Variants in SEMA3E observed in about 807,000 individuals in gnomAD.
SEMA3E encodes semaphorin 3E, also known as semaphorin-3E.
A neutral mutation model predicts 93.6 loss-of-function variants in SEMA3E; 49 were observed. The ratio of observed to expected loss-of-function variants is 0.52; its 90% CI spans 0.42 to 0.66. The LOEUF (loss-of-function observed/expected upper bound fraction) is 0.66, where lower values mean the gene tolerates loss of function less well. Among genes scored for constraint, SEMA3E ranks in the 30% least tolerant of loss-of-function variants. The pLI, the probability that SEMA3E is intolerant of heterozygous loss-of-function variation, is 0.00. For synonymous variants in SEMA3E, 363 were observed against 330.7 expected, an observed-to-expected ratio of 1.10 and a Z score of -1.06; for missense variants, 906 against 964.8, an observed-to-expected ratio of 0.94 and a Z score of 0.81.
rs1584195067 is a variant in SEMA3E at position 83,367,817 on chromosome 7, C to T, written c.2097G>A (p.Gln699=). Residue 699 remains glutamine, a synonymous_variant, in exon 17 of 17, where the codon CAG becomes CAA. Coordinates refer to ENST00000643230, the MANE Select transcript of SEMA3E (RefSeq NM_012431.3). Reference sequence around the variant, plus strand: ...GTTTTGCTCCCTGCGAGATGCTACTCTGAGCAGGACAAGGCATCCTGTGAT... The same window carrying T: ...GTTTTGCTCCCTGCGAGATGCTACTTTGAGCAGGACAAGGCATCCTGTGAT... The part of the protein sequence containing the change: ...DRHHRMPCPA[Q]SSISQGAKPW... 7 of 1,614,000 alleles carry T rather than the reference C, an allele frequency of 4.3e-6. No individual in the cohort carries two copies. In the South Asian group the frequency reaches 5.5e-5, roughly 13 times the overall value.
intron 1 of SEMA3E, among the ~76,000 whole-genome samples, chr7:83,504,721 T>C (rs1294226227): frequency 1.3e-5 from 2 of 152,174 alleles, no homozygotes; most frequent in African/African-American, 4.8e-5. Flanking sequence ...CCCTGTTGTT[T>C]ATAACCTGTC....
intron 1 of SEMA3E, among the ~76,000 whole-genome samples, chr7:83,618,988 C>T (rs1009796812): frequency 6.6e-6 from 1 of 151,840 alleles, no homozygotes; most frequent in Admixed American, 6.6e-5. Flanking sequence ...TATATAGTGG[C>T]TCAAAAATGG....
At chr7:83,473,342 G>A (rs1249195921) in intron 2 of SEMA3E, among the ~76,000 whole-genome samples, 1 of 152,120 alleles carries the variant, frequency 6.6e-6, no homozygotes, top group Non-Finnish European at 1.5e-5. Flanking sequence ...AGACTGTATT[G>A]CTAGGCCTGT....
intron 2 of SEMA3E, among the ~76,000 whole-genome samples, chr7:83,474,249 G>A (rs1486944988): frequency 6.6e-6 from 1 of 151,944 alleles, no homozygotes; most frequent in African/African-American, 2.4e-5. Context: ...TCCATTTCCT[G>A]ATACATGAGT....
intron 1 of SEMA3E, among the ~76,000 whole-genome samples, chr7:83,640,893 A>C (rs765955647): frequency 6.6e-6 from 1 of 152,066 alleles, no homozygotes; most frequent in Non-Finnish European, 1.5e-5. Context: ...GATAACCCAG[A>C]AATGACAAGG....
intron 16 of SEMA3E, among the ~76,000 whole-genome samples, chr7:83,384,252 G>A (rs531600108): frequency 1.1e-4 from 17 of 152,120 alleles, no homozygotes; most frequent in Middle Eastern, 6.8e-3. Context: ...AAAGTGTTCC[G>A]CATTTGGAAT....
intron 1 of SEMA3E, among the ~76,000 whole-genome samples, chr7:83,605,162 G>T (rs984312842): frequency 6.6e-6 from 1 of 152,140 alleles, no homozygotes; most frequent in Non-Finnish European, 1.5e-5. Flanking sequence ...TGGGATTGAT[G>T]GGTCAAATGG....
intron 1 of SEMA3E, among the ~76,000 whole-genome samples, chr7:83,504,525 G>A (rs28540131): frequency 0.041 from 6,292 of 152,228 alleles, 453 homozygotes; most frequent in African/African-American, 0.14. Flanking sequence ...CCCTGGGTAC[G>A]TGGGTTCTCT....
chr7:83,495,082 A>G (rs1291242176), intron 1 of SEMA3E, among the ~76,000 whole-genome samples: 1 of 151,918 alleles, frequency 6.6e-6, no homozygotes, highest in African/African-American at 2.4e-5. Context: ...AATACCATAA[A>G]TTTGTTACAA....
At chr7:83,484,227 T>C (rs1790206816) in intron 2 of SEMA3E, among the ~76,000 whole-genome samples, 1 of 152,164 alleles carries the variant, frequency 6.6e-6, no homozygotes, top group South Asian at 2.1e-4. Flanking sequence ...ACTCTCGCCT[T>C]CTCACTAATT....
intron 1 of SEMA3E, among the ~76,000 whole-genome samples, chr7:83,645,070 G>T (rs1322665904): frequency 1.3e-5 from 2 of 151,882 alleles, no homozygotes; most frequent in African/African-American, 2.4e-5. Context: ...TGGCTTATTT[G>T]TTTTTTCTTC....
chr7:83,587,005 G>T (rs553631596), intron 1 of SEMA3E, among the ~76,000 whole-genome samples: 1 of 152,074 alleles, frequency 6.6e-6, no homozygotes, highest in East Asian at 1.9e-4. Flanking sequence ...GTAAAATAAA[G>T]GTTAGAATAG....
chr7:83,535,681 T>C (rs1584315677), intron 1 of SEMA3E, among the ~76,000 whole-genome samples: 1 of 152,138 alleles, frequency 6.6e-6, no homozygotes. Flanking sequence ...AAGAAAATGC[T>C]TGAGGTAAAA....
intron 10 of SEMA3E, 144 bp from the exon 11 acceptor site, chr7:83,400,394 T>C (rs1788215156): frequency 7.6e-6 from 6 of 789,564 alleles, no homozygotes; most frequent in Admixed American, 2.5e-5. Context: ...CATATATTTT[T>C]CTTTTTTTTT....
intron 4 of SEMA3E, among the ~76,000 whole-genome samples, chr7:83,425,794 T>A (rs2115723997): frequency 6.6e-6 from 1 of 152,026 alleles, no homozygotes; most frequent in African/African-American, 2.4e-5. Flanking sequence ...ATCAACAGAG[T>A]ATGGACAACC....
At chr7:83,611,670 T>C (rs1793270371) in intron 1 of SEMA3E, among the ~76,000 whole-genome samples, 1 of 151,876 alleles carries the variant, frequency 6.6e-6, no homozygotes, top group South Asian at 2.1e-4. Flanking sequence ...GTTCTACCTT[T>C]AATATCCATA....
intron 4 of SEMA3E, among the ~76,000 whole-genome samples, chr7:83,463,995 G>A (rs933671324): frequency 2.0e-5 from 3 of 152,068 alleles, no homozygotes; most frequent in African/African-American, 4.8e-5. Context: ...AGAAGGCCAC[G>A]GCAGTCATTT....
intron 10 of SEMA3E, among the ~76,000 whole-genome samples, chr7:83,401,121 C>T (rs1011854655): frequency 6.6e-6 from 1 of 152,032 alleles, no homozygotes; most frequent in Non-Finnish European, 1.5e-5. Context: ...ACTGGGAAAA[C>T]AAGAAATATG....
chr7:83,506,287 TAAAA>T (rs1790704498), intron 1 of SEMA3E, among the ~76,000 whole-genome samples: 1 of 151,884 alleles, frequency 6.6e-6, no homozygotes, highest in African/African-American at 2.4e-5. Flanking sequence ...TATTCAGACT[TAAAA>T]AATAATAAGA....
Sources: allele counts gnomAD v4.1 joint callset (sites outside exome capture counted in the v4.1 genomes callset), GRCh38; gene constraint gnomAD v4.1.1; transcripts MANE v1.5; gene names NCBI Gene and HGNC (gene_info 2026-07-23, HGNC 2026-07-21).